SLC16A12: variants seen among roughly 807,000 people sequenced by gnomAD.
SLC16A12 encodes the protein solute carrier family 16 member 12.
SLC16A12 carries 17 observed loss-of-function variants against 42.4 expected under a neutral mutation model. The ratio of observed to expected loss-of-function variants is 0.40; its 90% CI spans 0.27 to 0.60. The LOEUF is 0.60. SLC16A12 is among the 20% of genes least tolerant of loss of function. The pLI is 0.42. For missense variants in SLC16A12, 544 were observed against 623.0 expected (o/e 0.87, Z 1.35); for synonymous variants, 224 against 229.4 (o/e 0.98, Z 0.21).
chr10:89,507,880 G>A (rs569795047), intron 2 of SLC16A12, among the ~76,000 whole-genome samples: 2 of 152,246 alleles, frequency 1.3e-5, no homozygotes, highest in African/African-American at 2.4e-5. Context: ...AGGGATGGAG[G>A]AAGATCTACC....
chr10:89,551,862 T>C (rs1037040484), intron 2 of SLC16A12, among the ~76,000 whole-genome samples: 1 of 152,250 alleles, frequency 6.6e-6, no homozygotes, highest in South Asian at 2.1e-4. Context: ...TATGTCTTTA[T>C]CAGCAGCATG....
intron 2 of SLC16A12, among the ~76,000 whole-genome samples, chr10:89,492,536 C>T (rs942522307): frequency 6.6e-6 from 1 of 151,964 alleles, no homozygotes; most frequent in Non-Finnish European, 1.5e-5. Flanking sequence ...GTCAGGAGTT[C>T]GAGACCAGCC....
intron 2 of SLC16A12, among the ~76,000 whole-genome samples, chr10:89,484,760 A>C (rs1442443504): frequency 6.6e-6 from 1 of 152,162 alleles, no homozygotes; most frequent in Admixed American, 6.5e-5. Context: ...TGCTTCCTTA[A>C]AATATTTTTA....
chr10:89,487,962 GTGTATATA>G (rs1245249504), intron 2 of SLC16A12, among the ~76,000 whole-genome samples: 38 of 62,808 alleles, frequency 6.1e-4, no homozygotes, highest in South Asian at 2.8e-3. Context: ...TGTGGTGTGT[GTGTATATA>G]TATATATATA....
intron 3 of SLC16A12, among the ~76,000 whole-genome samples, chr10:89,446,616 C>T (rs4304668): frequency 0.095 from 14,416 of 152,160 alleles, 762 homozygotes; most frequent in South Asian, 0.17. Flanking sequence ...AAGCACTAAA[C>T]GTGGAAAGGA....
chr10:89,538,179 C>G (rs74146965), upstream of SLC16A12, among the ~76,000 whole-genome samples: 15 of 152,304 alleles, frequency 9.8e-5, no homozygotes, highest in South Asian at 3.1e-3. Context: ...GGACTGCTAT[C>G]GCTGTGCAGA....
At chr10:89,443,624 T>G (rs1841951842) in intron 4 of SLC16A12, 132 bp downstream of exon 4, 2 of 722,088 alleles carry the variant, frequency 2.8e-6, no homozygotes, top group South Asian at 3.1e-5. Flanking sequence ...TTCTTTATAT[T>G]ATATAGTCCT....
chr10:89,494,194 T>G (rs1033980078), intron 2 of SLC16A12, among the ~76,000 whole-genome samples: 1 of 152,196 alleles, frequency 6.6e-6, no homozygotes, highest in Non-Finnish European at 1.5e-5. Context: ...TGGTCCAGCA[T>G]CAAAAAGGAC....
chr10:89,522,291 A>AC (rs1843370002), intron 2 of SLC16A12, among the ~76,000 whole-genome samples: 1 of 151,974 alleles, frequency 6.6e-6, no homozygotes, highest in African/African-American at 2.4e-5. Flanking sequence ...CTGGTTTTCA[A>AC]CCCCCTTGAG....
rs1843615024 is a variant in SLC16A12 at position 89,534,495 on chromosome 10, A to T, written c.-47+6T>A. The stretch of plus-strand genomic sequence containing the variant: ...AGTGTTTAACCAGTTTCCTGGCAGG[A>T]CTCACCTGACTAGACATTTTTAAAA... On this transcript the variant is annotated splice_donor_region_variant and intron_variant, in intron 2 of 7. Coordinates refer to ENST00000371790, the MANE Select transcript of SLC16A12 (RefSeq NM_213606.4). 1.3e-5 allele frequency: 2 copies of T among 151,796 alleles called. No homozygotes were observed. The highest frequency in any genetic ancestry group is 4.2e-4 in the South Asian group (2 of 4,796). 9.4% of individuals were successfully genotyped at this position (151,796 alleles called of 1,614,324 possible).
chr10:89,456,510 T>G (rs1239771455), intron 3 of SLC16A12, among the ~76,000 whole-genome samples: 1 of 152,062 alleles, frequency 6.6e-6, no homozygotes, highest in Non-Finnish European at 1.5e-5. Context: ...ACACATGAAG[T>G]ATGATTCTTT....
intron 2 of SLC16A12, among the ~76,000 whole-genome samples, chr10:89,491,432 T>G (rs913905724): frequency 2.0e-5 from 3 of 150,694 alleles, no homozygotes; most frequent in African/African-American, 7.3e-5. Flanking sequence ...ACATAAAAAG[T>G]TAACAAGTGC....
chr10:89,446,156 G>A (rs1255518654), intron 3 of SLC16A12, among the ~76,000 whole-genome samples: 3 of 152,184 alleles, frequency 2.0e-5, no homozygotes, highest in Admixed American at 2.0e-4. Context: ...GTGACAGGGA[G>A]AATGGAACCA....
chr10:89,461,276 T>C (rs1055573915), intron 3 of SLC16A12, among the ~76,000 whole-genome samples: 15 of 152,294 alleles, frequency 9.8e-5, no homozygotes, highest in Non-Finnish European at 1.0e-4. Flanking sequence ...AATCCCTGTA[T>C]CTATGTTTGT....
In SLC16A12 at chr10:89,441,187, C is replaced by G. The variant is rs763530344; in HGVS notation, c.369G>C (p.Leu123Phe). ...SCQVGIMLGG[L>F]LASTGLILSS... ...TCAGGATGAGTCCAGTAGATGCAAG[C>G]AAGCCACCCAGCATGATTCCCACTT... Residue 123 changes from leucine to phenylalanine, a missense_variant, in exon 5 of 8, where the codon TTG (leucine) becomes TTC (phenylalanine). Coordinates refer to ENST00000371790, the MANE Select transcript of SLC16A12 (RefSeq NM_213606.4). 4 of 1,613,946 alleles carry G rather than the reference C, an allele frequency of 2.5e-6. No individual in the cohort carries two copies. Among genetic ancestry groups the G allele is most frequent in the Non-Finnish European group, 3.4e-6 (4 of 1,179,904 alleles).
Position 89,436,130 on chromosome 10 carries a change from A to T in SLC16A12, c.1218T>A (p.Ser406=). 6.2e-7 allele frequency: 1 copy of T among 1,614,098 alleles called. No individual in the cohort carries two copies. Among genetic ancestry groups the T allele is most frequent in the Non-Finnish European group, 8.5e-7 (1 of 1,180,004 alleles). The change falls in exon 7 of 8, where the codon TCT becomes TCA. Residue 406 remains serine (S), a synonymous_variant. Transcript: ENST00000371790. ...ATACCACACCAAGCGCTGATGACAA[A>T]GAGGTGGTCCCCACTATCTCTGTGG... ...VVTTEIVGTT[S]LSSALGVVYF... is the part of the protein sequence containing the mutation.
At chr10:89,552,916 C>A (rs1843780082) in intron 2 of SLC16A12, among the ~76,000 whole-genome samples, 1 of 152,120 alleles carries the variant, frequency 6.6e-6, no homozygotes, top group East Asian at 1.9e-4. Flanking sequence ...TTCCCAAGTT[C>A]CAAAAAATGA....
rs71479021 is a variant in SLC16A12 at position 89,534,641 on chromosome 10, C to A, written c.-186-1G>T. 2 of 48,754 alleles carry A rather than the reference C, an allele frequency of 4.1e-5. No individual in the cohort carries two copies. Among genetic ancestry groups the A allele is most frequent in the Admixed American group, 3.0e-4 (1 of 3,310 alleles). 3.0% of individuals were successfully genotyped at this position (48,754 alleles called of 1,614,324 possible). A position where few individuals can be genotyped will look rare whatever the true frequency, so the allele number is the denominator to read the frequency against. On this transcript the variant is annotated splice_acceptor_variant, in intron 1 of 7. Coordinates refer to ENST00000371790, the MANE Select transcript of SLC16A12 (RefSeq NM_213606.4). LOFTEE classifies it low-confidence loss of function (5UTR_SPLICE). ...CGGCCAATATGTCGAAATCCTGTAT[C>A]TGCAAAAAAAAAAAAAAAAAAAAAA...
chr10:89,546,217 T>C (rs1843742096), intron 2 of SLC16A12, among the ~76,000 whole-genome samples: 1 of 152,130 alleles, frequency 6.6e-6, no homozygotes, highest in Admixed American at 6.5e-5. Context: ...AAAGAGCTTC[T>C]GCACAGCAAA....
Sources: allele counts gnomAD v4.1 joint callset (sites outside exome capture counted in the v4.1 genomes callset), GRCh38; gene constraint gnomAD v4.1.1; transcripts MANE v1.5; gene names NCBI Gene and HGNC (gene_info 2026-07-23, HGNC 2026-07-21).